Variants in CCDC148 observed in about 807,000 individuals in gnomAD.
The protein encoded by CCDC148 is coiled-coil domain containing 148.
In CCDC148, 89 loss-of-function variants were observed where a neutral mutation model predicts 85.7. That is an observed-to-expected ratio of 1.04 (90% CI 0.87 to 1.24). The LOEUF is 1.24. Ranked by LOEUF, CCDC148 falls within the 50% of genes most tolerant of loss-of-function variation. The pLI is 0.00. For synonymous variants in CCDC148, 230 were observed against 213.9 expected, an observed-to-expected ratio of 1.08 and a Z score of -0.66; for missense variants, 692 against 671.7, an observed-to-expected ratio of 1.03 and a Z score of -0.33.
chr2:158,297,777 G>A (rs995454309), intron 9 of CCDC148, among the ~76,000 whole-genome samples: 1 of 152,186 alleles, frequency 6.6e-6, no homozygotes, highest in Non-Finnish European at 1.5e-5. Context: ...AAGCCACACT[G>A]CCTCTGGCAC....
intron 11 of CCDC148, among the ~76,000 whole-genome samples, chr2:158,197,578 T>A (rs1471985143): frequency 1.3e-5 from 2 of 152,168 alleles, no homozygotes; most frequent in African/African-American, 4.8e-5. Context: ...TCTGATAAAG[T>A]CACTGAAGTT....
chr2:158,396,246 A>G (rs1200431950), intron 1 of CCDC148, among the ~76,000 whole-genome samples: 1 of 152,154 alleles, frequency 6.6e-6, no homozygotes, highest in Non-Finnish European at 1.5e-5. Context: ...CCATGTTTTC[A>G]TCATCTTTTT....
At chr2:158,449,990 ATT>A (rs5835706) in intron 1 of CCDC148, among the ~76,000 whole-genome samples, 1 of 144,154 alleles carries the variant, frequency 6.9e-6, no homozygotes, top group Admixed American at 6.9e-5. Context: ...TGTCATCTTC[ATT>A]TTTTTTTTTT....
At chr2:158,433,980 A>G (rs963186103) in intron 1 of CCDC148, among the ~76,000 whole-genome samples, 3 of 152,212 alleles carry the variant, frequency 2.0e-5, no homozygotes, top group African/African-American at 4.8e-5. Context: ...GAAAGCTCCA[A>G]TTGGGTGAAG....
At chr2:158,409,783 C>A (rs1051245113) in intron 1 of CCDC148, among the ~76,000 whole-genome samples, 1 of 152,078 alleles carries the variant, frequency 6.6e-6, no homozygotes, top group African/African-American at 2.4e-5. Context: ...GGCTCTGTGT[C>A]CCCACCCATA....
chr2:158,424,964 T>G lies in CCDC148; in HGVS notation c.25+31451A>C, dbSNP rs555177215. On this transcript the variant is annotated intron_variant, in intron 1 of 13. Coordinates refer to ENST00000283233, the MANE Select transcript of CCDC148 (RefSeq NM_138803.4). ...GGTTCTGGGAAGTGTTAAATCAAAG[T>G]TGCACAACCCAAAGAGATATAGAAG... 4.1e-5 allele frequency: 13 copies of G among 315,154 alleles called. No individual in the cohort carries two copies. The East Asian group carries it at 8.3e-4, about 20-fold the overall frequency. 19.5% of individuals were successfully genotyped at this position (315,154 alleles called of 1,614,324 possible). A position where few individuals can be genotyped will look rare whatever the true frequency, so the allele number is the denominator to read the frequency against.
At chr2:158,346,933 C>A (rs576337565) in intron 2 of CCDC148, among the ~76,000 whole-genome samples, 1 of 104,330 alleles carries the variant, frequency 9.6e-6, no homozygotes, top group African/African-American at 2.7e-5. Flanking sequence ...TTAAAAAATA[C>A]AAAGTCAAAG....
chr2:158,404,699 A>C (rs868674983), intron 1 of CCDC148, among the ~76,000 whole-genome samples: 1 of 152,098 alleles, frequency 6.6e-6, no homozygotes, highest in Non-Finnish European at 1.5e-5. Flanking sequence ...TTAAAATATG[A>C]AAAAAATAGC....
chr2:158,227,788 C>T lies in CCDC148; in HGVS notation c.1252-7075G>A, dbSNP rs536426657. 1.4e-4 allele frequency among the ~76,000 whole-genome samples: 21 copies of T among 152,274 alleles called. 1 individual carries two copies. In the South Asian group the frequency reaches 3.3e-3, roughly 24 times the overall value. Reference sequence around the variant, plus strand: ...GCTGAAACTGGATCCCTTCCTTATGCCTTATACAAAAATTAGTTCAAGATT... The same window carrying T: ...GCTGAAACTGGATCCCTTCCTTATGTCTTATACAAAAATTAGTTCAAGATT... On this transcript the variant is annotated intron_variant, in intron 10 of 13. Transcript: ENST00000283233.
At chr2:158,390,430 G>T (rs899028755) in intron 1 of CCDC148, among the ~76,000 whole-genome samples, 1 of 152,082 alleles carries the variant, frequency 6.6e-6, no homozygotes, top group African/African-American at 2.4e-5. Flanking sequence ...AGAACAGATG[G>T]GAATAAAAGT....
In CCDC148 at chr2:158,309,460, C is replaced by T; in HGVS notation, c.1083G>A (p.Gln361=). 2 of 1,614,110 alleles carry T rather than the reference C, an allele frequency of 1.2e-6. No homozygotes were observed. Among genetic ancestry groups the T allele is most frequent in the Non-Finnish European group, 1.7e-6 (2 of 1,179,996 alleles). Residue 361 remains glutamine (Q), a synonymous_variant, in exon 9 of 14, where the codon CAG becomes CAA. Coordinates refer to ENST00000283233, the MANE Select transcript of CCDC148 (RefSeq NM_138803.4). ...SMLAKDKKKQ[Q]ELCADLKAKV... is the part of the protein sequence containing the mutation. ...TGGCTTTCAGATCAGCACACAATTC[C>T]TGTTGCTTTTTCTTGTCCTTAGCCA...
At chr2:158,379,815 A>G (rs1384517428) in intron 1 of CCDC148, among the ~76,000 whole-genome samples, 3 of 152,190 alleles carry the variant, frequency 2.0e-5, no homozygotes, top group African/African-American at 7.2e-5. Context: ...TGCACATTTA[A>G]TAGACTATAG....
intron 9 of CCDC148, among the ~76,000 whole-genome samples, chr2:158,273,457 A>G (rs560881132): frequency 2.2e-4 from 34 of 152,246 alleles, no homozygotes; most frequent in Non-Finnish European, 3.7e-4. Context: ...TCTGGGGTGT[A>G]ACAGAAGATA....
At chr2:158,290,166 A>C (rs1690821261) in intron 9 of CCDC148, among the ~76,000 whole-genome samples, 1 of 152,210 alleles carries the variant, frequency 6.6e-6, no homozygotes, top group Admixed American at 6.5e-5. Context: ...AGGGAGCTGA[A>C]GGATGGCAGG....
At position 158,324,739 on chromosome 2, in the gene CCDC148, G is replaced by A. The variant is rs1051212898; in HGVS notation, c.765-10845C>T. ...TGGACACAATGTTTTACATTTTATA[G>A]GAAAAAAATTGAGTATTTTTTAAAT... On this transcript the variant is annotated intron_variant, in intron 7 of 13. Transcript: ENST00000283233. Among the ~76,000 whole-genome samples, 7 of 151,948 alleles carry A rather than the reference G, an allele frequency of 4.6e-5. No homozygotes were observed. In the East Asian group the frequency reaches 1.3e-3, roughly 29 times the overall value.
chr2:158,433,261 A>AATATATATATATATATATATAT (rs375554012), intron 1 of CCDC148, among the ~76,000 whole-genome samples: 27 of 122,592 alleles, frequency 2.2e-4, no homozygotes, highest in Non-Finnish European at 4.0e-4. Context: ...CCTTGACTCA[A>AATATATATATATATATATATAT]ATATATATAT....
chr2:158,354,237 C>A (rs1227491569), intron 2 of CCDC148, among the ~76,000 whole-genome samples: 1 of 151,930 alleles, frequency 6.6e-6, no homozygotes, highest in Admixed American at 6.6e-5. Flanking sequence ...CAGAGCAGAA[C>A]TGAAGGAAAT....
intron 9 of CCDC148, among the ~76,000 whole-genome samples, chr2:158,283,059 G>A (rs1480494564): frequency 6.6e-6 from 1 of 152,146 alleles, no homozygotes; most frequent in East Asian, 1.9e-4. Context: ...ATGGTGCTGG[G>A]AAAACTGGCT....
chr2:158,403,260 A>T (rs1028879048), intron 1 of CCDC148, among the ~76,000 whole-genome samples: 1 of 151,976 alleles, frequency 6.6e-6, no homozygotes, highest in African/African-American at 2.4e-5. Flanking sequence ...ATGATATATG[A>T]TAGATTCACA....
Sources: gnomAD v4.1 joint callset for allele counts (sites outside exome capture counted in the v4.1 genomes callset) on GRCh38, gnomAD v4.1.1 for gene constraint, MANE v1.5 for transcripts, NCBI Gene and HGNC (gene_info 2026-07-23, HGNC 2026-07-21) for gene names.